Variants in TMPRSS15 observed in about 807,000 individuals in gnomAD.
The protein encoded by TMPRSS15 is transmembrane serine protease 15.
In TMPRSS15, 128 loss-of-function variants were observed where a neutral mutation model predicts 125.3. That is an observed-to-expected ratio of 1.02 (90% CI 0.89 to 1.18). The LOEUF (loss-of-function observed/expected upper bound fraction) is 1.18. TMPRSS15 is among the 50% of genes most tolerant of loss of function. The pLI is 0.00. For synonymous variants in TMPRSS15, 446 were observed against 423.2 expected (o/e 1.05, Z -0.66); for missense variants, 1,283 against 1,212.7 (o/e 1.06, Z -0.86).
intron 18 of TMPRSS15, among the ~76,000 whole-genome samples, chr21:18,300,278 TTC>T (rs959781768): frequency 6.1e-5 from 9 of 147,856 alleles, no homozygotes; most frequent in African/African-American, 2.2e-4. Flanking sequence ...TCTCTCTTCT[TTC>T]TCTCTCTCTT....
chr21:18,294,343 C>T lies in TMPRSS15; in HGVS notation c.2413G>A (p.Gly805Ser), dbSNP rs1486433371. ...GATGCGCCGCAGAGCAGTCGGCCGCCATAATACAGACCCACAACCCAGGGC... is the reference window on the plus strand; with the variant it reads ...GATGCGCCGCAGAGCAGTCGGCCGCTATAATACAGACCCACAACCCAGGGC... The part of the protein sequence containing the change: ...AWPWVVGLYY[G>S]GRLLCGASLV... Residue 805 changes from glycine (G) to serine (S), a missense_variant, in exon 21 of 25, where the codon GGC becomes AGC. Coordinates refer to ENST00000284885, the MANE Select transcript of TMPRSS15 (RefSeq NM_002772.3). 2.5e-6 allele frequency: 4 copies of T among 1,614,118 alleles called. No individual in the cohort carries two copies. The highest frequency in any genetic ancestry group is 3.4e-6 in the Non-Finnish European group (4 of 1,180,054).
chr21:18,457,426 T>C (rs938156155), intron 1 of TMPRSS15, among the ~76,000 whole-genome samples: 41 of 152,156 alleles, frequency 2.7e-4, no homozygotes, highest in African/African-American at 7.2e-4. Flanking sequence ...AAGCAACTTA[T>C]TACGTTGGAA....
intron 5 of TMPRSS15, among the ~76,000 whole-genome samples, chr21:18,374,817 A>G (rs1166609212): frequency 6.6e-6 from 1 of 152,098 alleles, no homozygotes; most frequent in Non-Finnish European, 1.5e-5. Flanking sequence ...GGCAGAGGAG[A>G]TGGGACATGG....
chr21:18,347,740 T>A (rs1161231378), intron 10 of TMPRSS15, among the ~76,000 whole-genome samples: 1 of 152,190 alleles, frequency 6.6e-6, no homozygotes, highest in African/African-American at 2.4e-5. Flanking sequence ...CATAACCACA[T>A]GGGAATTTAT....
At position 18,281,089 on chromosome 21, in the gene TMPRSS15, C is replaced by T. The variant is rs765159713; in HGVS notation, c.2619G>A (p.Lys873=). The change falls in exon 22 of 25, where the codon AAG becomes AAA. Residue 873 remains lysine (K), a synonymous_variant. Transcript: ENST00000284885. ...GATGCATCATGGCAATGTCGTTGTC[C>T]TTTCTTCGCCTATTGTAATGAGGGT... ...VINPHYNRRR[K]DNDIAMMHLE... 6 of 1,613,652 alleles carry T rather than the reference C, an allele frequency of 3.7e-6. No homozygotes were observed. In the Admixed American group the frequency reaches 1.0e-4, roughly 27 times the overall value.
intron 18 of TMPRSS15, among the ~76,000 whole-genome samples, chr21:18,298,516 C>T (rs1015942233): frequency 2.6e-5 from 4 of 152,200 alleles, no homozygotes; most frequent in Non-Finnish European, 5.9e-5. Flanking sequence ...CTTTCTTTTC[C>T]CTGAAAACCT....
intron 16 of TMPRSS15, among the ~76,000 whole-genome samples, chr21:18,320,884 C>G (rs942370174): frequency 5.4e-4 from 82 of 152,042 alleles, no homozygotes; most frequent in African/African-American, 1.9e-3. Context: ...AGTTTTATGC[C>G]CATGGTGAGA....
intron 1 of TMPRSS15, among the ~76,000 whole-genome samples, chr21:18,429,013 C>T (rs1404989965): frequency 7.9e-5 from 12 of 152,170 alleles, no homozygotes. Context: ...CAGGACAGAG[C>T]TGCCCAAGAC....
intron 1 of TMPRSS15, among the ~76,000 whole-genome samples, chr21:18,478,725 A>T (rs903062241): frequency 3.3e-5 from 5 of 151,904 alleles, no homozygotes; most frequent in African/African-American, 1.2e-4. Flanking sequence ...TCATGGTTAG[A>T]TTGAGGTTAT....
At chr21:18,339,665 C>T (rs1422821263) in intron 13 of TMPRSS15, among the ~76,000 whole-genome samples, 1 of 149,672 alleles carries the variant, frequency 6.7e-6, no homozygotes, top group Non-Finnish European at 1.5e-5. Context: ...CTTCCAACCA[C>T]CACAATCCAA....
In TMPRSS15 at chr21:18,269,365, A is replaced by G. The variant is rs888006743; in HGVS notation, c.*604T>C. ...AGTTAATTTATCTTTTATTTAATTA[A>G]CTTATTTAAGAGGAACGTAAAATCA... On this transcript the variant is annotated 3_prime_UTR_variant, in exon 25 of 25. Transcript: ENST00000284885. The G allele has an allele frequency of 6.6e-6, 1 of 152,214 alleles. No individual in the cohort carries two copies. 9.4% of individuals were successfully genotyped at this position (152,214 alleles called of 1,614,324 possible).
chr21:18,453,487 A>C (rs901967666), intron 1 of TMPRSS15, among the ~76,000 whole-genome samples: 12 of 152,220 alleles, frequency 7.9e-5, no homozygotes, highest in Admixed American at 1.3e-4. Context: ...GGCAAATACA[A>C]AATCTGCAGG....
intron 6 of TMPRSS15, among the ~76,000 whole-genome samples, chr21:18,370,819 G>A (rs542192355): frequency 1.1e-3 from 162 of 152,232 alleles, no homozygotes; most frequent in Non-Finnish European, 1.9e-3. Flanking sequence ...TGTGTACTAA[G>A]TGGATAGGTA....
intron 18 of TMPRSS15, among the ~76,000 whole-genome samples, chr21:18,304,382 C>T (rs990907869): frequency 1.3e-5 from 2 of 152,038 alleles, no homozygotes; most frequent in Admixed American, 6.5e-5. Context: ...TATGAAGGAT[C>T]GTGCGTGTCT....
upstream of TMPRSS15, among the ~76,000 whole-genome samples, chr21:18,404,242 G>C (rs1282234329): frequency 6.6e-6 from 1 of 152,184 alleles, no homozygotes; most frequent in Non-Finnish European, 1.5e-5. Context: ...ATGTCACCCA[G>C]GTGAAGTTAT....
intron 3 of TMPRSS15, among the ~76,000 whole-genome samples, chr21:18,385,619 T>C (rs2075936785): frequency 6.6e-6 from 1 of 152,214 alleles, no homozygotes; most frequent in South Asian, 2.1e-4. Flanking sequence ...AGTGAGGCCA[T>C]GGTTGATAAG....
At chr21:18,432,962 T>G (rs754083915) in intron 1 of TMPRSS15, among the ~76,000 whole-genome samples, 1 of 152,162 alleles carries the variant, frequency 6.6e-6, no homozygotes, top group Non-Finnish European at 1.5e-5. Flanking sequence ...TTTTGTCAAG[T>G]AAGTAATGCA....
At chr21:18,300,941 A>G (rs574495085) in intron 18 of TMPRSS15, among the ~76,000 whole-genome samples, 11 of 152,280 alleles carry the variant, frequency 7.2e-5, no homozygotes, top group African/African-American at 2.4e-4. Flanking sequence ...TCCAGCAGAG[A>G]AAATTGGAGA....
intron 18 of TMPRSS15, among the ~76,000 whole-genome samples, chr21:18,311,912 A>G (rs925739811): frequency 1.3e-5 from 2 of 152,184 alleles, no homozygotes; most frequent in African/African-American, 2.4e-5. Context: ...GGATATTTAC[A>G]TATACATAGA....
Sources: gnomAD v4.1 joint callset for allele counts (sites outside exome capture counted in the v4.1 genomes callset) on GRCh38, gnomAD v4.1.1 for gene constraint, MANE v1.5 for transcripts, NCBI Gene and HGNC (gene_info 2026-07-23, HGNC 2026-07-21) for gene names.